The following PLXDC2 variants were observed in gnomAD, a reference collection of about 807,000 sequenced individuals.
PLXDC2 encodes the protein plexin domain-containing protein 2.
A neutral mutation model predicts 68.9 loss-of-function variants in PLXDC2; 40 were observed. The observed-to-expected ratio is 0.58, with a 90% CI of 0.45 to 0.76. PLXDC2 has a LOEUF of 0.76. PLXDC2 is among the 30% of genes least tolerant of loss of function. The pLI is 0.00. For synonymous variants in PLXDC2, 243 were observed against 234.2 expected (o/e 1.04, Z -0.34); for missense variants, 644 against 661.9 (o/e 0.97, Z 0.30).
chr10:19,867,538 T>C (rs973416094), intron 1 of PLXDC2, among the ~76,000 whole-genome samples: 1 of 152,176 alleles, frequency 6.6e-6, no homozygotes, highest in African/African-American at 2.4e-5. Context: ...TTTAAGCTAT[T>C]ATTACCTTCT....
At position 20,020,177 on chromosome 10, in the gene PLXDC2, A is replaced by ATTTTTTTTTTTTTTTT. The variant is rs1564659038; in HGVS notation, c.324+18191_324+18192insTTTTTTTTTTTTTTTT. On this transcript the variant is annotated intron_variant, in intron 2 of 13. Transcript: ENST00000377252. The stretch of plus-strand genomic sequence containing the variant: ...CAAACACATGCCACCACACCCAGCA[A>ATTTTTTTTTTTTTTTT]ATTTTTTTTTTTTTTTTTTTTTTGT... Among the ~76,000 whole-genome samples, 127 of 98,178 alleles carry ATTTTTTTTTTTTTTTT rather than the reference A, an allele frequency of 1.3e-3. 2 individuals are homozygous for ATTTTTTTTTTTTTTTT. The highest frequency in any genetic ancestry group is 5.3e-3 in the African/African-American group (120 of 22,708). The allele number at this position is 98,178 out of a possible 152,430, so 64.4% of individuals were successfully genotyped here. A position where few individuals can be genotyped will look rare whatever the true frequency, so the allele number is the denominator to read the frequency against.
intron 1 of PLXDC2, among the ~76,000 whole-genome samples, chr10:19,896,410 C>T (rs898129562): frequency 2.0e-5 from 3 of 152,220 alleles, no homozygotes; most frequent in Non-Finnish European, 4.4e-5. Context: ...TATAACCTTA[C>T]ACCAGTTTGT....
At chr10:20,022,934 T>A (rs1385994018) in intron 2 of PLXDC2, among the ~76,000 whole-genome samples, 1 of 151,886 alleles carries the variant, frequency 6.6e-6, no homozygotes, top group Non-Finnish European at 1.5e-5. Context: ...GACCAATACC[T>A]TGGATTATTT....
intron 3 of PLXDC2, among the ~76,000 whole-genome samples, chr10:20,066,950 C>T (rs1256807863): frequency 7.9e-5 from 12 of 152,026 alleles, no homozygotes; most frequent in Non-Finnish European, 4.4e-5. Context: ...AATTACTTTC[C>T]TTCTGGATAC....
intron 1 of PLXDC2, among the ~76,000 whole-genome samples, chr10:19,901,011 G>GTGTT (rs1322622781): frequency 1.4e-5 from 2 of 141,148 alleles, no homozygotes; most frequent in Non-Finnish European, 3.1e-5. Flanking sequence ...GTGTGTGTGT[G>GTGTT]TGTGTATTCA....
intron 1 of PLXDC2, among the ~76,000 whole-genome samples, chr10:19,824,064 G>A (rs530762030): frequency 6.6e-6 from 1 of 152,152 alleles, no homozygotes; most frequent in Non-Finnish European, 1.5e-5. Context: ...AAGCAGATGA[G>A]GATATTCTGC....
At chr10:20,201,455 TAGG>T (rs1834916335) in intron 9 of PLXDC2, among the ~76,000 whole-genome samples, 1 of 151,942 alleles carries the variant, frequency 6.6e-6, no homozygotes, top group Non-Finnish European at 1.5e-5. Flanking sequence ...TATAGCTAGA[TAGG>T]AGTAAGTTCT....
chr10:19,950,530 C>G (rs1575868), intron 1 of PLXDC2, among the ~76,000 whole-genome samples: 24,929 of 152,164 alleles, frequency 0.16, 2,216 homozygotes, highest in South Asian at 0.26. Flanking sequence ...AAGGGAGAAA[C>G]ATTACATGCT....
chr10:20,088,546 T>A (rs1833231195), intron 4 of PLXDC2, among the ~76,000 whole-genome samples: 1 of 152,136 alleles, frequency 6.6e-6, no homozygotes. Context: ...GGCATGATCT[T>A]TGTACCCAAG....
chr10:20,069,680 T>A (rs7081717), intron 4 of PLXDC2, among the ~76,000 whole-genome samples: 32,795 of 149,866 alleles, frequency 0.22, 5,060 homozygotes, highest in East Asian at 0.6. Flanking sequence ...TAAAATGAAA[T>A]AATTAGCTGG....
intron 3 of PLXDC2, 140 bp downstream of exon 3, chr10:20,047,155 A>G: frequency 1.3e-6 from 1 of 779,486 alleles, no homozygotes; most frequent in African/African-American, 1.8e-5. Context: ...TTTCAAGTGT[A>G]TTCAGTTCTG....
At chr10:19,848,165 G>T (rs1326243) in intron 1 of PLXDC2, among the ~76,000 whole-genome samples, 1 of 152,082 alleles carries the variant, frequency 6.6e-6, no homozygotes, top group African/African-American at 2.4e-5. Flanking sequence ...AAAAGAAACA[G>T]TTGTGTTCCC....
intron 1 of PLXDC2, among the ~76,000 whole-genome samples, chr10:19,940,130 C>A (rs553612862): frequency 5.5e-4 from 83 of 151,820 alleles, no homozygotes; most frequent in Non-Finnish European, 8.8e-4. Flanking sequence ...TGGGCAAATT[C>A]ATGTGCTGGA....
intron 2 of PLXDC2, among the ~76,000 whole-genome samples, chr10:20,002,390 G>T (rs976572572): frequency 9.9e-5 from 15 of 152,042 alleles, no homozygotes; most frequent in African/African-American, 3.6e-4. Context: ...CTCCTGAGTA[G>T]CTGGGACTAC....
At chr10:20,205,864 A>G (rs1834983928) in intron 9 of PLXDC2, among the ~76,000 whole-genome samples, 1 of 152,122 alleles carries the variant, frequency 6.6e-6, no homozygotes, top group Non-Finnish European at 1.5e-5. Context: ...TAGGAGGAAT[A>G]AGTTTCTTGA....
At chr10:19,998,373 A>G (rs967494282) in intron 1 of PLXDC2, among the ~76,000 whole-genome samples, 2 of 152,188 alleles carry the variant, frequency 1.3e-5, no homozygotes, top group African/African-American at 4.8e-5. Flanking sequence ...TTCTCTAAAA[A>G]TCATTTAGAA....
intron 9 of PLXDC2, among the ~76,000 whole-genome samples, chr10:20,198,072 G>A (rs2131845227): frequency 6.6e-6 from 1 of 152,218 alleles, no homozygotes; most frequent in Middle Eastern, 3.4e-3. Context: ...CTTGATTGGA[G>A]TTCCAGTTAA....
At chr10:19,879,118 G>C (rs1837683787) in intron 1 of PLXDC2, among the ~76,000 whole-genome samples, 4 of 152,144 alleles carry the variant, frequency 2.6e-5, no homozygotes, top group Admixed American at 2.6e-4. Flanking sequence ...AATTTCTTAA[G>C]CATGCATTTA....
Position 20,205,579 on chromosome 10 carries a change from C to T in PLXDC2, c.1062-6090C>T, listed in dbSNP as rs570349999. On this transcript the variant is annotated intron_variant, in intron 9 of 13. Transcript: ENST00000377252. ...AAACACATTTCACATTAATATGGTACATATAATTAACTCCTAAACATTTTC... is the reference window on the plus strand; with the variant it reads ...AAACACATTTCACATTAATATGGTATATATAATTAACTCCTAAACATTTTC... 2.0e-5 allele frequency among the ~76,000 whole-genome samples: 3 copies of T among 152,110 alleles called. No homozygotes were observed. In the South Asian group the frequency reaches 6.2e-4, roughly 31 times the overall value.
Sources: allele counts gnomAD v4.1 joint callset (sites outside exome capture counted in the v4.1 genomes callset), GRCh38; gene constraint gnomAD v4.1.1; transcripts MANE v1.5; gene names NCBI Gene and HGNC (gene_info 2026-07-23, HGNC 2026-07-21).